Variants in GNAL observed in about 807,000 individuals in gnomAD.
The protein encoded by GNAL is guanine nucleotide-binding protein G(olf) subunit alpha.
Under a neutral mutation model 55.1 loss-of-function variants are expected in GNAL, and 18 were observed. That is an observed-to-expected ratio of 0.33 (90% confidence interval 0.23 to 0.48). The LOEUF (loss-of-function observed/expected upper bound fraction) is 0.48, where lower values mean the gene tolerates loss of function less well. GNAL is among the 20% of genes least tolerant of loss of function. The pLI is 0.99. For missense variants in GNAL, 412 were observed against 614.1 expected, an observed-to-expected ratio of 0.67 and a Z score of 3.48; for synonymous variants, 253 against 237.0, an observed-to-expected ratio of 1.07 and a Z score of -0.62.
intron 5 of GNAL, among the ~76,000 whole-genome samples, chr18:11,854,984 G>C (rs1156769571): frequency 2.0e-5 from 3 of 152,102 alleles, no homozygotes; most frequent in Non-Finnish European, 4.4e-5. Flanking sequence ...GTGCCACCAC[G>C]ATCTCGGCTC....
chr18:11,805,574 AT>A (rs1295863229), intron 4 of GNAL, among the ~76,000 whole-genome samples: 10 of 151,996 alleles, frequency 6.6e-5, no homozygotes, highest in Admixed American at 3.3e-4. Flanking sequence ...TATACTGATT[AT>A]TTAGCTCCCA....
Position 11,706,648 on chromosome 18 carries a change from T to C in GNAL, c.376+16709T>C, listed in dbSNP as rs146757181. Among the ~76,000 whole-genome samples the C allele has an allele frequency of 2.4e-3, 371 of 152,342 alleles. 4 individuals are homozygous for C. Among genetic ancestry groups the C allele is most frequent in the African/African-American group, 8.4e-3 (350 of 41,574 alleles). On this transcript the variant is annotated intron_variant, in intron 1 of 11. Coordinates refer to ENST00000334049, the MANE Select transcript of GNAL (RefSeq NM_182978.4). ...TTTATCAGCTACATTTATGGAATAT[T>C]CTAAATCCTTTGTAATAGTTTCAAC...
intron 5 of GNAL, among the ~76,000 whole-genome samples, chr18:11,850,421 C>T (rs2035831775): frequency 6.6e-6 from 1 of 152,184 alleles, no homozygotes; most frequent in Non-Finnish European, 1.5e-5. Context: ...TCATTTTCAG[C>T]CTACCTCATT....
chr18:11,690,047 A>T, intron 1 of GNAL, 108 bp downstream of exon 1: 1 of 545,960 alleles, frequency 1.8e-6, no homozygotes, highest in Non-Finnish European at 2.6e-6. Flanking sequence ...CGGCGGCGGG[A>T]GGGGCTCCTG....
At chr18:11,733,615 T>C (rs1488719719) in intron 1 of GNAL, among the ~76,000 whole-genome samples, 1 of 152,136 alleles carries the variant, frequency 6.6e-6, no homozygotes, top group East Asian at 1.9e-4. Context: ...AAGAGTAAAA[T>C]CATGTCTTCT....
At chr18:11,871,253 CTTT>C (rs759232588) in intron 9 of GNAL, among the ~76,000 whole-genome samples, 1 of 138,636 alleles carries the variant, frequency 7.2e-6, no homozygotes, top group Admixed American at 7.3e-5. Flanking sequence ...GTTTTTCTTT[CTTT>C]TTTTTTTTTT....
rs371067143 is a variant in GNAL, at chr18:11,787,458, A to C, written c.624+33513A>C. Among the ~76,000 whole-genome samples the C allele has an allele frequency of 5.3e-5, 8 of 152,352 alleles. No individual in the cohort carries two copies. The South Asian group carries it at 1.7e-3, about 32-fold the overall frequency. ...GTACTATCATAATTTGGTCATAATG[A>C]CATGTTGCGGAACTCATATAAGATA... On this transcript the variant is annotated intron_variant, in intron 4 of 11. Transcript: ENST00000334049.
At chr18:11,710,364 T>C (rs1050019029) in intron 1 of GNAL, among the ~76,000 whole-genome samples, 7 of 152,240 alleles carry the variant, frequency 4.6e-5, no homozygotes, top group Non-Finnish European at 4.4e-5. Context: ...ATGTTGTGTA[T>C]CCATTAACAC....
intron 5 of GNAL, among the ~76,000 whole-genome samples, chr18:11,843,187 C>A (rs1322972015): frequency 6.6e-6 from 1 of 151,270 alleles, no homozygotes; most frequent in Non-Finnish European, 1.5e-5. Flanking sequence ...CAAAGCAAGA[C>A]CCTGTCGCTA....
intron 4 of GNAL, among the ~76,000 whole-genome samples, chr18:11,766,415 A>G (rs1302239234): frequency 6.6e-6 from 1 of 152,178 alleles, no homozygotes; most frequent in Non-Finnish European, 1.5e-5. Flanking sequence ...ATATTTGTGG[A>G]TGGCATAAAA....
chr18:11,704,168 A>T (rs2031649150), intron 1 of GNAL, among the ~76,000 whole-genome samples: 1 of 152,204 alleles, frequency 6.6e-6, no homozygotes, highest in Non-Finnish European at 1.5e-5. Flanking sequence ...TCCCACAGTG[A>T]GTCACAGCCT....
intron 11 of GNAL, 74 bp downstream of exon 11, chr18:11,876,762 T>C: frequency 4.8e-6 from 4 of 826,408 alleles, no homozygotes; most frequent in African/African-American, 1.7e-5. Flanking sequence ...TGCAAATTAC[T>C]CCTTGATGAT....
At chr18:11,753,741 CTG>C (rs2032940947) in intron 3 of GNAL, 59 bp downstream of exon 3, 2 of 1,468,712 alleles carry the variant, frequency 1.4e-6, no homozygotes, top group Non-Finnish European at 1.9e-6. Flanking sequence ...CATTCTAAAA[CTG>C]TGTAGACAGA....
chr18:11,826,921 G>A (rs774451241), intron 5 of GNAL, among the ~76,000 whole-genome samples: 6 of 152,172 alleles, frequency 3.9e-5, no homozygotes, highest in Admixed American at 1.3e-4. Context: ...CAGAGCACAC[G>A]AGGAGTGCCC....
At position 11,689,724 on chromosome 18, in the gene GNAL, C is replaced by T. The variant is rs753562019; in HGVS notation, c.161C>T (p.Pro54Leu). 27 of 1,498,704 alleles carry T rather than the reference C, an allele frequency of 1.8e-5. No individual in the cohort carries two copies. In the African/African-American group the frequency reaches 2.3e-4, roughly 13 times the overall value. 92.8% of individuals were successfully genotyped at this position (1,498,704 alleles called of 1,614,324 possible). A position where few individuals can be genotyped will look rare whatever the true frequency, so the allele number is the denominator to read the frequency against. ...AARDTARTLL[P>L]RGGEGSPACA... ...AGGGACACGGCCCGGACCCTGCTCCCTCGGGGCGGCGAAGGGAGCCCGGCA... is the reference window on the plus strand; with the variant it reads ...AGGGACACGGCCCGGACCCTGCTCCTTCGGGGCGGCGAAGGGAGCCCGGCA... Residue 54 changes from proline (P) to leucine (L), a missense_variant, in exon 1 of 12, where the codon CCT becomes CTT. By Grantham distance (98) the Pro-to-Leu change is moderately conservative. Transcript: ENST00000334049.
At chr18:11,811,909 A>G (rs913679034) in intron 4 of GNAL, among the ~76,000 whole-genome samples, 1 of 152,236 alleles carries the variant, frequency 6.6e-6, no homozygotes, top group Non-Finnish European at 1.5e-5. Flanking sequence ...CTGGAAGCAA[A>G]GACTAAAGTC....
chr18:11,844,005 G>A (rs187401369), intron 5 of GNAL, among the ~76,000 whole-genome samples: 104 of 152,198 alleles, frequency 6.8e-4, no homozygotes, highest in African/African-American at 2.2e-3. Flanking sequence ...TGTTTTGGCC[G>A]AAAAGTTTAA....
intron 1 of GNAL, among the ~76,000 whole-genome samples, chr18:11,727,568 T>A (rs1187101869): frequency 6.6e-6 from 1 of 152,190 alleles, no homozygotes; most frequent in Non-Finnish European, 1.5e-5. Context: ...ATGATAAGCC[T>A]GAAACTCAAA....
intron 4 of GNAL, among the ~76,000 whole-genome samples, chr18:11,797,783 G>A (rs1267844454): frequency 6.6e-6 from 1 of 151,724 alleles, no homozygotes; most frequent in Non-Finnish European, 1.5e-5. Flanking sequence ...AAAAAAGAAA[G>A]AAAGAAATGA....
Sources: gnomAD v4.1 joint callset for allele counts (sites outside exome capture counted in the v4.1 genomes callset) on GRCh38, gnomAD v4.1.1 for gene constraint, MANE v1.5 for transcripts, NCBI Gene and HGNC (gene_info 2026-07-23, HGNC 2026-07-21) for gene names.